Variants in GLYATL2 observed in about 807,000 individuals in gnomAD.
The protein encoded by GLYATL2 is glycine-N-acyltransferase like 2, also known as glycine N-acyltransferase-like protein 2.
In GLYATL2, 25 loss-of-function variants were observed where a neutral mutation model predicts 21.4. The ratio of observed to expected loss-of-function variants is 1.17; its 90% CI spans 0.85 to 1.63. The LOEUF (loss-of-function observed/expected upper bound fraction) is 1.63. Ranked by LOEUF, GLYATL2 falls within the 40% of genes most tolerant of loss-of-function variation. The probability of loss-of-function intolerance (pLI) is 0.00; values close to 1 mark genes in which losing one functional copy is unlikely to be tolerated. For missense variants in GLYATL2, 361 were observed against 343.3 expected, an observed-to-expected ratio of 1.05 and a Z score of -0.41; for synonymous variants, 114 against 118.2, an observed-to-expected ratio of 0.96 and a Z score of 0.23.
At chr11:58,902,067 A>G (rs886762915) in intron 1 of GLYATL2, among the ~76,000 whole-genome samples, 1 of 152,142 alleles carries the variant, frequency 6.6e-6, no homozygotes, top group African/African-American at 2.4e-5. Flanking sequence ...AGGATGGACT[A>G]CGGGGTCTAT....
intron 1 of GLYATL2, among the ~76,000 whole-genome samples, chr11:58,842,518 G>A (rs1853572295): frequency 6.7e-6 from 1 of 148,154 alleles, no homozygotes; most frequent in African/African-American, 2.5e-5. Flanking sequence ...GTGTGTGTGT[G>A]TGCGCCCTGT....
chr11:58,905,577 C>T (rs767146401), upstream of GLYATL2: 9 of 456,188 alleles, frequency 2.0e-5, no homozygotes, highest in Non-Finnish European at 4.0e-5. Flanking sequence ...CCGGCTGCCG[C>T]GCAACCCCTC....
At chr11:58,873,225 G>A (rs1012973217) in intron 1 of GLYATL2, among the ~76,000 whole-genome samples, 1 of 151,326 alleles carries the variant, frequency 6.6e-6, no homozygotes, top group African/African-American at 2.4e-5. Flanking sequence ...ATCATGTAAT[G>A]TGCAAACAGG....
upstream of GLYATL2, among the ~76,000 whole-genome samples, chr11:58,845,957 A>T (rs1177039829): frequency 6.6e-6 from 1 of 152,312 alleles, no homozygotes; most frequent in African/African-American, 2.4e-5. Context: ...TGAGTTTTAT[A>T]GTTTTAGTTA....
Position 58,834,946 on chromosome 11 carries a change from G to A in GLYATL2, c.477-109C>T, listed in dbSNP as rs535626394. On this transcript the variant is annotated intron_variant, in intron 5 of 5. Transcript: ENST00000287275. Reference sequence around the variant, plus strand: ...TTCCTTAAGGACCCTACAGCCTGGAGGAGGCAATAGATGCATAACAACTAC... The same window carrying A: ...TTCCTTAAGGACCCTACAGCCTGGAAGAGGCAATAGATGCATAACAACTAC... 5.4e-4 allele frequency: 400 copies of A among 747,220 alleles called. 1 individual carries two copies. The highest frequency in any genetic ancestry group is 6.6e-4 in the Non-Finnish European group (308 of 468,400). 46.3% of individuals were successfully genotyped at this position (747,220 alleles called of 1,614,324 possible).
At chr11:58,839,912 C>A (rs758637841) in intron 1 of GLYATL2, among the ~76,000 whole-genome samples, 4 of 152,064 alleles carry the variant, frequency 2.6e-5, no homozygotes, top group Admixed American at 1.3e-4. Context: ...ATCTCCCATG[C>A]TCATTTGATT....
intron 1 of GLYATL2, among the ~76,000 whole-genome samples, chr11:58,842,370 A>G (rs1213026654): frequency 6.6e-6 from 1 of 152,182 alleles, no homozygotes; most frequent in Non-Finnish European, 1.5e-5. Context: ...TGGTGAAGAG[A>G]AAAACATCAA....
upstream of GLYATL2, among the ~76,000 whole-genome samples, chr11:58,847,016 A>C (rs919319924): frequency 2.0e-5 from 3 of 152,076 alleles, no homozygotes; most frequent in African/African-American, 7.2e-5. Context: ...CAACAGGATA[A>C]GGCACCAAAT....
In GLYATL2 at chr11:58,866,753, A is replaced by G. The variant is rs1287907644; in HGVS notation, n.61-28385T>C. On this transcript the variant is annotated intron_variant and non_coding_transcript_variant, in intron 1 of 4. Transcript: ENST00000533636. ...GTACTACTACACAGAAGAGGTGCACAGGCATCTAGTCACTGCCTCAAGGTA... is the reference window on the plus strand; with the variant it reads ...GTACTACTACACAGAAGAGGTGCACGGGCATCTAGTCACTGCCTCAAGGTA... Among the ~76,000 whole-genome samples the G allele has an allele frequency of 1.3e-5, 2 of 149,290 alleles. 1 individual carries two copies. Among genetic ancestry groups the G allele is most frequent in the East Asian group, 4.4e-4 (2 of 4,512 alleles).
chr11:58,895,228 C>T (rs1480824168), intron 1 of GLYATL2, among the ~76,000 whole-genome samples: 1 of 152,056 alleles, frequency 6.6e-6, no homozygotes, highest in Admixed American at 6.5e-5. Context: ...AACAAGAAAG[C>T]GTGGGAAAGA....
intron 1 of GLYATL2, among the ~76,000 whole-genome samples, chr11:58,895,723 T>C (rs750358713): frequency 2.0e-5 from 3 of 152,190 alleles, no homozygotes; most frequent in African/African-American, 4.8e-5. Context: ...ATTCATTTTC[T>C]AACCAAAATC....
intron 1 of GLYATL2, among the ~76,000 whole-genome samples, chr11:58,863,458 C>A (rs1853967877): frequency 6.6e-6 from 1 of 152,140 alleles, no homozygotes; most frequent in Non-Finnish European, 1.5e-5. Flanking sequence ...AGCCTTCATC[C>A]ATGATGGCCA....
upstream of GLYATL2, among the ~76,000 whole-genome samples, chr11:58,905,163 G>A (rs548788765): frequency 1.3e-5 from 2 of 152,328 alleles, no homozygotes; most frequent in East Asian, 1.9e-4. Flanking sequence ...CCAGTAATGC[G>A]CGTCCTGGGA....
Position 58,871,919 on chromosome 11 carries a change from A to G in GLYATL2, n.60+32237T>C, listed in dbSNP as rs1187592305. Among the ~76,000 whole-genome samples the G allele has an allele frequency of 2.6e-5, 4 of 152,206 alleles. 1 individual carries two copies. Among genetic ancestry groups the G allele is most frequent in the African/African-American group, 9.6e-5 (4 of 41,526 alleles). On this transcript the variant is annotated intron_variant and non_coding_transcript_variant, in intron 1 of 4. Transcript: ENST00000533636. ...CCACCAGCGGTGTAAAAGTGTTCCT[A>G]TTTCTCCACATCCTCTCCAGCACCT...
chr11:58,898,192 AC>A (rs1554981056), intron 1 of GLYATL2, among the ~76,000 whole-genome samples: 1 of 113,088 alleles, frequency 8.8e-6, no homozygotes, highest in African/African-American at 3.9e-5. Context: ...CCCCAATAAG[AC>A]GACATCTTCC....
intron 1 of GLYATL2, among the ~76,000 whole-genome samples, chr11:58,860,409 T>C (rs932112520): frequency 7.9e-5 from 12 of 152,152 alleles, no homozygotes; most frequent in Non-Finnish European, 1.8e-4. Flanking sequence ...GATCTTTCAC[T>C]GTTAGTGTAT....
Position 58,894,162 on chromosome 11 carries a change from T to C in GLYATL2, n.60+9994A>G, listed in dbSNP as rs557749476. Among the ~76,000 whole-genome samples, 30 of 152,312 alleles carry C rather than the reference T, an allele frequency of 2.0e-4. 1 individual carries two copies. In the South Asian group the frequency reaches 5.2e-3, roughly 26 times the overall value. The stretch of plus-strand genomic sequence containing the variant: ...AAGGTGTTGCCTGCAAGTATGGTTA[T>C]AAGTTCAGCGCTTGGTGTTTGCAGC... On this transcript the variant is annotated intron_variant and non_coding_transcript_variant, in intron 1 of 4. Coordinates refer to the GLYATL2 transcript ENST00000533636.
intron 1 of GLYATL2, among the ~76,000 whole-genome samples, chr11:58,887,068 A>G (rs1253011787): frequency 6.6e-6 from 1 of 152,226 alleles, no homozygotes; most frequent in Non-Finnish European, 1.5e-5. Context: ...AAATAATTGT[A>G]GGAGGTCAAG....
chr11:58,877,699 GA>G (rs1244081419), intron 1 of GLYATL2, among the ~76,000 whole-genome samples: 2 of 152,180 alleles, frequency 1.3e-5, no homozygotes, highest in African/African-American at 4.8e-5. Flanking sequence ...TAATAACATA[GA>G]GATCACTGAT....
Sources: allele counts gnomAD v4.1 joint callset (sites outside exome capture counted in the v4.1 genomes callset), GRCh38; gene constraint gnomAD v4.1.1; transcripts MANE v1.5; gene names NCBI Gene and HGNC (gene_info 2026-07-23, HGNC 2026-07-21).